Variants in PPP2R3B observed in about 807,000 individuals in gnomAD.
PPP2R3B encodes serine/threonine-protein phosphatase 2A regulatory subunit B'' subunit beta.
PPP2R3B carries 68 observed loss-of-function variants against 72.9 expected under a neutral mutation model. That is an observed-to-expected ratio of 0.93 (90% CI 0.77 to 1.14). The LOEUF (loss-of-function observed/expected upper bound fraction) is 1.14. PPP2R3B is among the 50% of genes most tolerant of loss of function. PPP2R3B has a pLI of 0.00. For synonymous variants in PPP2R3B, 466 were observed against 375.8 expected (o/e 1.24, Z -2.78); for missense variants, 1,018 against 842.0 (o/e 1.21, Z -2.59).
Position 345,691 on chromosome X carries a change from G to T in PPP2R3B, c.880-19C>A, listed in dbSNP as rs758851740. 1.9e-6 allele frequency: 3 copies of T among 1,611,034 alleles called. No individual in the cohort carries two copies. The highest frequency in any genetic ancestry group is 1.7e-6 in the Non-Finnish European group (2 of 1,178,658). ...CCACATTCTGCCAAAGGACCCAGGC[G>T]GCCTGAGCGCGGGGCCTCTGCGGGG... On this transcript the variant is annotated intron_variant, in intron 6 of 12. Coordinates refer to ENST00000390665, the MANE Select transcript of PPP2R3B (RefSeq NM_013239.5).
chrX:338,677 A>G lies in PPP2R3B; in HGVS notation c.1504T>C (p.Trp502Arg). The change falls in exon 12 of 13, where the codon TGG (tryptophan) becomes CGG (arginine). Residue 502 changes from tryptophan to arginine, a missense_variant. Trp to Arg is a moderately radical substitution (Grantham distance 101). Transcript: ENST00000390665. Reference sequence around the variant, plus strand: ...TACTCCTCGGCCGCGTACTTCTCCCAGTCCGAGAGCTCGGGGCCGCCGCTG... The same window carrying G: ...TACTCCTCGGCCGCGTACTTCTCCCGGTCCGAGAGCTCGGGGCCGCCGCTG... ...GDSGGPELSDWEKYAAEEYDI... is the reference protein window; with the variant it reads ...GDSGGPELSDREKYAAEEYDI... 2 of 1,611,396 alleles carry G rather than the reference A, an allele frequency of 1.2e-6. No homozygotes were observed. Among genetic ancestry groups the G allele is most frequent in the East Asian group, 2.2e-5 (1 of 44,826 alleles).
chrX:338,385 G>A (rs2070947448), intron 12 of PPP2R3B: 2 of 611,988 alleles, frequency 3.3e-6, no homozygotes, highest in African/African-American at 1.8e-5. Context: ...CGCGGGGAAT[G>A]ACGGGCAGAC....
At chrX:353,932 G>C in intron 2 of PPP2R3B, among the ~76,000 whole-genome samples, 1 of 150,884 alleles carries the variant, frequency 6.6e-6, no homozygotes, top group Admixed American at 6.6e-5. Context: ...CAGGGACCGG[G>C]GGCTCACCCA....
intron 10 of PPP2R3B, among the ~76,000 whole-genome samples, chrX:340,454 C>T (rs180680918): frequency 0.23 from 18,838 of 82,716 alleles, 3,013 homozygotes; most frequent in Middle Eastern, 0.3. Flanking sequence ...GTCCGTCCCC[C>T]CTCCCGTCTG....
chrX:359,640 C>A (rs768063127), intron 2 of PPP2R3B, among the ~76,000 whole-genome samples: 1 of 152,188 alleles, frequency 6.6e-6, no homozygotes, highest in Non-Finnish European at 1.5e-5. Flanking sequence ...CCCCACACTG[C>A]CGTACAAGAC....
At chrX:385,320 CTTTTTTTTT>C (rs1178231888) in intron 1 of PPP2R3B, among the ~76,000 whole-genome samples, 183 of 75,664 alleles carry the variant, frequency 2.4e-3, no homozygotes, top group Admixed American at 5.9e-3. Flanking sequence ...TTTTAGTTTT[CTTTTTTTTT>C]TTTTTTTTTT....
intron 1 of PPP2R3B, among the ~76,000 whole-genome samples, chrX:372,376 G>A (rs1036723557): frequency 6.6e-6 from 1 of 152,198 alleles, no homozygotes; most frequent in African/African-American, 2.4e-5. Flanking sequence ...AGGATGCCTT[G>A]GTTCACCTTG....
At chrX:363,540 AGCCCGCGATCCCGCAGTGCATCTCCATG>A (rs2071600845) in intron 1 of PPP2R3B, among the ~76,000 whole-genome samples, 1 of 12,170 alleles carries the variant, frequency 8.2e-5, no homozygotes. Flanking sequence ...CATCTCCCCG[AGCCCGCGATCCCGCAGTGCATCTCCATG>A]AGTCCACGAT....
chrX:374,347 A>C (rs992022579), intron 1 of PPP2R3B, among the ~76,000 whole-genome samples: 3 of 152,204 alleles, frequency 2.0e-5, no homozygotes, highest in African/African-American at 7.2e-5. Context: ...GGCAGCCCAG[A>C]CATCCCGGCA....
At position 373,513 on chromosome X, in the gene PPP2R3B, C is replaced by T. The variant is rs775741931; in HGVS notation, c.325-11923G>A. On this transcript the variant is annotated intron_variant, in intron 1 of 12. Transcript: ENST00000390665. ...GGCCTCGCCCGGTGTCGGGCAGCCG[C>T]GGGGCGCGCGGGGCTGACCTGCTGG... The T allele has an allele frequency of 2.1e-3, 352 of 166,000 alleles. 2 individuals are homozygous for T. Among genetic ancestry groups the T allele is most frequent in the African/African-American group, 8.1e-3 (338 of 41,902 alleles). The allele number at this position is 166,000 out of a possible 1,614,324, so 10.3% of individuals were successfully genotyped here.
intron 1 of PPP2R3B, among the ~76,000 whole-genome samples, chrX:376,198 GAAAA>G (rs59781955): frequency 8.6e-6 from 1 of 115,774 alleles, no homozygotes; most frequent in African/African-American, 3.2e-5. Context: ...TCTCAAAAAG[GAAAA>G]AAAAAAAAAA....
chrX:377,837 GGACGGGCC>G (rs2072031625), intron 1 of PPP2R3B, among the ~76,000 whole-genome samples: 1 of 124,602 alleles, frequency 8.0e-6, no homozygotes, highest in Non-Finnish European at 1.6e-5. Context: ...CTGTATGCAG[GGACGGGCC>G]GTCCACACCC....
Position 347,705 on chromosome X carries a change from A to T in PPP2R3B, c.511-12T>A. 6.6e-7 allele frequency: 1 copy of T among 1,517,206 alleles called. No homozygotes were observed. Among genetic ancestry groups the T allele is most frequent in the Non-Finnish European group, 8.8e-7 (1 of 1,135,304 alleles). The allele number at this position is 1,517,206 out of a possible 1,614,324, so 94.0% of individuals were successfully genotyped here. A position where few individuals can be genotyped will look rare whatever the true frequency, so the allele number is the denominator to read the frequency against. On this transcript the variant is annotated splice_polypyrimidine_tract_variant and intron_variant, in intron 2 of 12. Coordinates refer to ENST00000390665, the MANE Select transcript of PPP2R3B (RefSeq NM_013239.5). ...GGGCAGCCGCAGGCCTGGGGCAGAG[A>T]GGGCAGGAGTGGGCAGTCAGCAGGG...
At chrX:345,440 C>G in intron 7 of PPP2R3B, 76 bp downstream of exon 7, 3 of 1,585,512 alleles carry the variant, frequency 1.9e-6, no homozygotes, top group South Asian at 1.1e-5. Context: ...GGAGAGGCAG[C>G]TGCAGACCCG....
intron 2 of PPP2R3B, among the ~76,000 whole-genome samples, chrX:357,063 A>C (rs2071453237): frequency 6.6e-6 from 1 of 152,208 alleles, no homozygotes; most frequent in African/African-American, 2.4e-5. Context: ...TAAAATAAAG[A>C]TGCTGCCAGG....
rs2071187598 is a variant in PPP2R3B, at chrX:345,660, G to A, written c.892C>T (p.Leu298=). 6.2e-7 allele frequency: 1 copy of A among 1,612,626 alleles called. No individual in the cohort carries two copies. The highest frequency in any genetic ancestry group is 2.2e-5 in the East Asian group (1 of 44,776). The change falls in exon 7 of 13, where the codon CTG becomes TTG. Residue 298 remains leucine (L), a synonymous_variant. Coordinates refer to ENST00000390665, the MANE Select transcript of PPP2R3B (RefSeq NM_013239.5). ...RSSFLQNVAL[L]EEEADINQLT... is the part of the protein sequence containing the mutation. The stretch of plus-strand genomic sequence containing the variant: ...TGGTTGATGTCCGCCTCCTCCTCCA[G>A]CAGCGCCACATTCTGCCAAAGGACC...
intron 1 of PPP2R3B, among the ~76,000 whole-genome samples, chrX:367,243 G>A (rs2071739446): frequency 6.6e-6 from 1 of 151,850 alleles, no homozygotes; most frequent in Non-Finnish European, 1.5e-5. Flanking sequence ...ACATAAATCA[G>A]TGATAACAAT....
chrX:345,751 G>A (rs1471367907), intron 6 of PPP2R3B, 79 bp from the exon 7 acceptor site: 39 of 1,550,644 alleles, frequency 2.5e-5, no homozygotes, highest in Non-Finnish European at 8.8e-7. Context: ...GGCGGGGCAG[G>A]GAAGGCTGGG....
chrX:339,291 G>C (rs1479716534), intron 10 of PPP2R3B, among the ~76,000 whole-genome samples: 1 of 146,242 alleles, frequency 6.8e-6, no homozygotes, highest in Non-Finnish European at 1.5e-5. Flanking sequence ...CAGGGCTGCA[G>C]GGCGGTGCCC....
Sources: gnomAD v4.1 joint callset for allele counts (sites outside exome capture counted in the v4.1 genomes callset) on GRCh38, gnomAD v4.1.1 for gene constraint, MANE v1.5 for transcripts, NCBI Gene and HGNC (gene_info 2026-07-23, HGNC 2026-07-21) for gene names.